PLA2G5: variants seen among roughly 807,000 people sequenced by gnomAD.
The protein encoded by PLA2G5 is phospholipase A2 group V, also known as Ca2+-dependent phospholipase A2.
In PLA2G5, 12 loss-of-function variants were observed where a neutral mutation model predicts 15.9. The ratio of observed to expected loss-of-function variants is 0.76; its 90% CI spans 0.48 to 1.23. The LOEUF (loss-of-function observed/expected upper bound fraction) is 1.23, where lower values mean the gene tolerates loss of function less well. PLA2G5 is among the 50% of genes most tolerant of loss of function. The pLI, the probability that PLA2G5 is intolerant of heterozygous loss-of-function variation, is 0.00. For synonymous variants in PLA2G5, 71 were observed against 71.4 expected (o/e 0.99, Z 0.03); for missense variants, 169 against 177.1 (o/e 0.95, Z 0.26).
At chr1:20,055,761 G>A (rs2014400935) in intron 1 of PLA2G5, among the ~76,000 whole-genome samples, 1 of 152,132 alleles carries the variant, frequency 6.6e-6, no homozygotes, top group African/African-American at 2.4e-5. Context: ...AGTTGCAGGA[G>A]GTCTATTTCC....
chr1:20,090,452 A>T (rs1164833852), intron 4 of PLA2G5, 116 bp from the exon 5 acceptor site: 3 of 1,012,616 alleles, frequency 3.0e-6, no homozygotes, highest in Non-Finnish European at 4.6e-6. Context: ...CCGATTTAGG[A>T]GCCATGCCTC....
rs551528556 is a variant in PLA2G5 at position 20,083,478 on chromosome 1, G to C, written c.-10-1343G>C. On this transcript the variant is annotated intron_variant, in intron 1 of 4. Transcript: ENST00000375108. ...TGAAGGGGAGAGCCCCAGGCCTGCC[G>C]AGCTGTGGACAAACAAGGACTTTGG... Among the ~76,000 whole-genome samples, 220 of 151,848 alleles carry C rather than the reference G, an allele frequency of 1.4e-3. 6 individuals are homozygous for C. The highest frequency in any genetic ancestry group is 5.0e-3 in the African/African-American group (207 of 41,184).
chr1:20,037,484 AG>A (rs2013323296), intron 1 of PLA2G5, among the ~76,000 whole-genome samples: 2 of 152,140 alleles, frequency 1.3e-5, no homozygotes. Context: ...GGACTCTGTG[AG>A]GGTCCTTGGT....
At chr1:20,064,850 C>G (rs1294343587) in intron 2 of PLA2G5, among the ~76,000 whole-genome samples, 1 of 152,112 alleles carries the variant, frequency 6.6e-6, no homozygotes, top group African/African-American at 2.4e-5. Context: ...CCATGGGAAT[C>G]ACCAGGGAGC....
In PLA2G5 at chr1:20,070,257, C is replaced by G. The variant is rs549864801; in HGVS notation, c.-219C>G. On this transcript the variant is annotated 5_prime_UTR_variant, in exon 1 of 5. Transcript: ENST00000375108. The stretch of plus-strand genomic sequence containing the variant: ...GGCAGAAGTTTTTCCTCCCCACCTC[C>G]GGGTTTGTCCTCATCATCGGTCACT... The G allele has an allele frequency of 2.0e-6, 2 of 985,506 alleles. No homozygotes were observed. The highest frequency in any genetic ancestry group is 1.1e-4 in the East Asian group (1 of 8,810). The allele number at this position is 985,506 out of a possible 1,614,324, so 61.0% of individuals were successfully genotyped here. A position where few individuals can be genotyped will look rare whatever the true frequency, so the allele number is the denominator to read the frequency against.
At chr1:20,029,420 T>G (rs1465428637) in intron 1 of PLA2G5, among the ~76,000 whole-genome samples, 1 of 152,210 alleles carries the variant, frequency 6.6e-6, no homozygotes, top group Non-Finnish European at 1.5e-5. Context: ...GATATGCTCC[T>G]CTCAAGGTCC....
chr1:20,085,063 G>A (rs1363866029), intron 2 of PLA2G5, among the ~76,000 whole-genome samples, 193 bp downstream of exon 2: 1 of 152,178 alleles, frequency 6.6e-6, no homozygotes, highest in Non-Finnish European at 1.5e-5. Flanking sequence ...GGCTAATGCA[G>A]TCCATGCGTA....
At chr1:20,083,701 G>A (rs894985212) in intron 1 of PLA2G5, among the ~76,000 whole-genome samples, 4 of 151,782 alleles carry the variant, frequency 2.6e-5, no homozygotes, top group Non-Finnish European at 4.4e-5. Context: ...AACAAACACA[G>A]ACCCCTAAAG....
At chr1:20,068,937 A>G, upstream of PLA2G5, 1 of 1,289,302 alleles carries the variant, frequency 7.8e-7, no homozygotes, top group Non-Finnish European at 1.0e-6. Context: ...CAGCAGAGCC[A>G]GGAAGGACCC....
At chr1:20,043,379 C>G (rs1483891888) in intron 1 of PLA2G5, among the ~76,000 whole-genome samples, 1 of 152,080 alleles carries the variant, frequency 6.6e-6, no homozygotes, top group African/African-American at 2.4e-5. Flanking sequence ...CTGTAACAGG[C>G]AATTGATAAC....
intron 1 of PLA2G5, among the ~76,000 whole-genome samples, chr1:20,079,906 C>T (rs1252976478): frequency 6.6e-6 from 1 of 152,160 alleles, no homozygotes; most frequent in African/African-American, 2.4e-5. Flanking sequence ...AAAGGGCTAC[C>T]ACCTGGACGT....
intron 2 of PLA2G5, among the ~76,000 whole-genome samples, chr1:20,064,361 G>T (rs1266310584): frequency 6.6e-6 from 1 of 152,074 alleles, no homozygotes; most frequent in Non-Finnish European, 1.5e-5. Flanking sequence ...ATGATTTGAG[G>T]TCAGGAGTTC....
intron 2 of PLA2G5, chr1:20,063,558 C>A (rs1461257005): frequency 1.3e-5 from 2 of 152,182 alleles, no homozygotes; most frequent in African/African-American, 4.8e-5. Flanking sequence ...AGGACAGACA[C>A]CTCATCTGAC....
At chr1:20,063,023 G>A (rs2014816851) in intron 2 of PLA2G5, among the ~76,000 whole-genome samples, 1 of 152,070 alleles carries the variant, frequency 6.6e-6, no homozygotes, top group African/African-American at 2.4e-5. Context: ...TAGTCCCTCA[G>A]AGAGTCTGTG....
intron 1 of PLA2G5, chr1:20,071,025 G>A (rs2015343323): frequency 6.6e-6 from 1 of 152,136 alleles, no homozygotes; most frequent in Admixed American, 6.5e-5. Context: ...CCTCTCTGAA[G>A]ACGGTCTAGC....
intron 1 of PLA2G5, among the ~76,000 whole-genome samples, chr1:20,080,060 C>T (rs1257429361): frequency 6.6e-6 from 1 of 152,132 alleles, no homozygotes; most frequent in Admixed American, 6.6e-5. Context: ...AGCGGGGCTG[C>T]CTGTCTTCTC....
chr1:20,053,580 G>GC lies in PLA2G5; in HGVS notation n.277-6052_277-6051insC, dbSNP rs1491405787. Among the ~76,000 whole-genome samples the GC allele has an allele frequency of 3.9e-4, 51 of 132,462 alleles. No homozygotes were observed. The East Asian group carries it at 0.011, about 29-fold the overall frequency. 86.9% of individuals were successfully genotyped at this position (132,462 alleles called of 152,430 possible). A position where few individuals can be genotyped will look rare whatever the true frequency, so the allele number is the denominator to read the frequency against. Reference sequence around the variant, plus strand: ...TTATGTATTACTTTGCGGGGGGGGGGGTGATATGCAAAACTTTCCCTTGTG... The same window carrying GC: ...TTATGTATTACTTTGCGGGGGGGGGGCGTGATATGCAAAACTTTCCCTTGTG... On this transcript the variant is annotated intron_variant and non_coding_transcript_variant, in intron 1 of 6. Transcript: ENST00000460175.
rs1304567653 is a variant in PLA2G5, at chr1:20,091,229, G to T, written c.*537G>T. On this transcript the variant is annotated 3_prime_UTR_variant, in exon 5 of 5. Coordinates refer to ENST00000375108, the MANE Select transcript of PLA2G5 (RefSeq NM_000929.3). ...TGGTGCCTCTTTCTCTGCCACTGGG[G>T]CAATAAACCCAAAGATGTCTACATT... The T allele has an allele frequency of 6.6e-6, 1 of 152,668 alleles. No homozygotes were observed. Among genetic ancestry groups the T allele is most frequent in the African/African-American group, 2.4e-5 (1 of 41,466 alleles). 9.5% of individuals were successfully genotyped at this position (152,668 alleles called of 1,614,324 possible).
intron 1 of PLA2G5, among the ~76,000 whole-genome samples, chr1:20,078,186 C>G (rs1049202250): frequency 1.3e-5 from 2 of 152,050 alleles, no homozygotes; most frequent in Non-Finnish European, 2.9e-5. Flanking sequence ...GAGGAGGTGA[C>G]CCCCAAGCTT....
Sources: gnomAD v4.1 joint callset for allele counts (sites outside exome capture counted in the v4.1 genomes callset) on GRCh38, gnomAD v4.1.1 for gene constraint, MANE v1.5 for transcripts, NCBI Gene and HGNC (gene_info 2026-07-23, HGNC 2026-07-21) for gene names.